MTMR3: variants seen among roughly 807,000 people sequenced by gnomAD.
MTMR3 encodes the protein myotubularin related protein 3.
Under a neutral mutation model 132.4 loss-of-function variants are expected in MTMR3, and 32 were observed. The observed-to-expected ratio is 0.24, with a 90% confidence interval of 0.18 to 0.32. The LOEUF is 0.32. Among genes scored for constraint, MTMR3 ranks in the 10% least tolerant of loss-of-function variants. The pLI, the probability that MTMR3 is intolerant of heterozygous loss-of-function variation, is 1.00. For synonymous variants in MTMR3, 556 were observed against 550.3 expected (o/e 1.01, Z -0.14); for missense variants, 1,216 against 1,489.6 (o/e 0.82, Z 3.02).
rs2067981598 is a variant in MTMR3, at chr22:30,029,955, C to G, written c.*4154C>G. On this transcript the variant is annotated 3_prime_UTR_variant, in exon 20 of 20. Coordinates refer to ENST00000401950, the MANE Select transcript of MTMR3 (RefSeq NM_021090.4). Reference sequence around the variant, plus strand: ...TAGTTCAGAGCTGACCCCTCTAAGCCTCTGACACTTAAACACGAGTCCTGC... The same window carrying G: ...TAGTTCAGAGCTGACCCCTCTAAGCGTCTGACACTTAAACACGAGTCCTGC... 6.6e-6 allele frequency: 1 copy of G among 152,332 alleles called. No individual in the cohort carries two copies. The highest frequency in any genetic ancestry group is 2.1e-4 in the South Asian group (1 of 4,828). The allele number at this position is 152,332 out of a possible 1,614,324, so 9.4% of individuals were successfully genotyped here. A position where few individuals can be genotyped will look rare whatever the true frequency, so the allele number is the denominator to read the frequency against.
chr22:30,023,378 T>C, intron 19 of MTMR3: 3 of 1,428,628 alleles, frequency 2.1e-6, no homozygotes, highest in Non-Finnish European at 2.0e-6. Flanking sequence ...TTCTAGGACA[T>C]GTATCTCCCC....
At chr22:30,013,315 T>C in intron 13 of MTMR3, 41 bp from the exon 14 acceptor site, 1 of 1,600,188 alleles carries the variant, frequency 6.2e-7, no homozygotes, top group Non-Finnish European at 8.6e-7. Context: ...ACAGTCTGGA[T>C]AGTCTAGCAC....
At position 30,020,223 on chromosome 22, in the gene MTMR3, A is replaced by G. The variant is rs377637716; in HGVS notation, c.2564A>G (p.Lys855Arg). 1.2e-6 allele frequency: 2 copies of G among 1,614,206 alleles called. No individual in the cohort carries two copies. The highest frequency in any genetic ancestry group is 4.5e-5 in the East Asian group (2 of 44,876). The change falls in exon 17 of 20, where the codon AAG becomes AGG. Residue 855 changes from lysine (K) to arginine (R), a missense_variant. By Grantham distance (26) the Lys-to-Arg change is conservative. Coordinates refer to ENST00000401950, the MANE Select transcript of MTMR3 (RefSeq NM_021090.4). ...GACATGTTAGTGGAAGATAAGGTGA[A>G]GTCAGTAAGTGGGCCCCAAGGTCAT... is the stretch of plus-strand genomic sequence containing the variant. ...STDMLVEDKV[K>R]SVSGPQGHHR...
chr22:30,005,584 T>G (rs1378621212), intron 9 of MTMR3: 3 of 152,214 alleles, frequency 2.0e-5, no homozygotes, highest in Non-Finnish European at 4.4e-5. Context: ...TATTTCTATT[T>G]TGGCCCCATT....
Position 29,978,442 on chromosome 22 carries a change from G to A in MTMR3, c.4G>A (p.Asp2Asn). The A allele has an allele frequency of 3.1e-6, 5 of 1,610,666 alleles. No homozygotes were observed. The highest frequency in any genetic ancestry group is 3.4e-6 in the Non-Finnish European group (4 of 1,177,726). Residue 2 changes from aspartate to asparagine, a missense_variant and splice_region_variant, in exon 4 of 20, where the codon GAT becomes AAT. Physicochemically the swap from Asp to Asn is conservative, Grantham distance 23. Transcript: ENST00000401950. M[D>N]EETRHSLECI... ...ATTTTAAGGTTTTGGACTTTTCCAGGATGAAGAGACTCGGCACAGCCTTGA... is the reference window on the plus strand; with the variant it reads ...ATTTTAAGGTTTTGGACTTTTCCAGAATGAAGAGACTCGGCACAGCCTTGA...
At chr22:29,895,993 A>G (rs1032501733) in intron 1 of MTMR3, among the ~76,000 whole-genome samples, 1 of 152,198 alleles carries the variant, frequency 6.6e-6, no homozygotes, top group African/African-American at 2.4e-5. Context: ...CGGTCAGCTC[A>G]TGAGGCACCC....
chr22:30,023,186 T>G (rs2067810907), intron 19 of MTMR3: 1 of 505,340 alleles, frequency 2.0e-6, no homozygotes, highest in Non-Finnish European at 3.6e-6. Context: ...GTTCCTGACT[T>G]CTTTTTCCTT....
At chr22:30,015,048 C>T (rs747106184) in intron 14 of MTMR3, 1 of 152,034 alleles carries the variant, frequency 6.6e-6, no homozygotes, top group Non-Finnish European at 1.5e-5. Flanking sequence ...AAATTCAAAA[C>T]TTGATGCTTC....
chr22:29,978,803 T>C, intron 4 of MTMR3, 133 bp from the exon 5 acceptor site: 2 of 720,218 alleles, frequency 2.8e-6, no homozygotes. Context: ...CCTCTTTAGC[T>C]TCCTTATCTA....
chr22:29,970,436 T>A lies in MTMR3; in HGVS notation c.-84-540T>A, dbSNP rs183070385. On this transcript the variant is annotated intron_variant, in intron 2 of 19. Transcript: ENST00000401950. ...ACAGCCCCAACCTTCCAGGCTCAGT[T>A]GATCCTCCCACCTCATCCTCCTGAG... is the stretch of plus-strand genomic sequence containing the variant. 1.2e-3 allele frequency among the ~76,000 whole-genome samples: 182 copies of A among 151,410 alleles called. 1 individual carries two copies. The highest frequency in any genetic ancestry group is 3.5e-3 in the South Asian group (17 of 4,794).
chr22:29,964,848 T>A (rs766954958), intron 2 of MTMR3, among the ~76,000 whole-genome samples: 1 of 152,202 alleles, frequency 6.6e-6, no homozygotes, highest in Non-Finnish European at 1.5e-5. Flanking sequence ...GGACTGTATT[T>A]TAAACTTACT....
chr22:29,885,876 G>A (rs1406888190), intron 1 of MTMR3, among the ~76,000 whole-genome samples: 1 of 152,216 alleles, frequency 6.6e-6, no homozygotes, highest in Admixed American at 6.5e-5. Flanking sequence ...TTAGAGGGGG[G>A]TGTGGTGAAG....
chr22:30,027,068 A>G lies in MTMR3; in HGVS notation c.*1267A>G, dbSNP rs2067924925. 6.5e-6 allele frequency: 1 copy of G among 152,800 alleles called. No individual in the cohort carries two copies. Among genetic ancestry groups the G allele is most frequent in the African/African-American group, 2.4e-5 (1 of 41,458 alleles). 9.5% of individuals were successfully genotyped at this position (152,800 alleles called of 1,614,324 possible). On this transcript the variant is annotated 3_prime_UTR_variant, in exon 20 of 20. Coordinates refer to ENST00000401950, the MANE Select transcript of MTMR3 (RefSeq NM_021090.4). ...TCAGTGAGCTTTGATATGGTCCAAA[A>G]ACAGCCTTAAATCAAGAATATTTGT...
intron 1 of MTMR3, among the ~76,000 whole-genome samples, chr22:29,927,336 G>T (rs996210433): frequency 6.6e-6 from 1 of 152,012 alleles, no homozygotes; most frequent in Non-Finnish European, 1.5e-5. Context: ...GTTATTCTGG[G>T]TCCCTTGTAT....
intron 1 of MTMR3, among the ~76,000 whole-genome samples, chr22:29,944,892 A>G (rs991794899): frequency 2.0e-5 from 3 of 152,366 alleles, no homozygotes; most frequent in African/African-American, 4.8e-5. Flanking sequence ...CATTGATTCA[A>G]TGAATAAACT....
At chr22:29,990,320 A>G (rs2066937244) in intron 6 of MTMR3, 1 of 152,172 alleles carries the variant, frequency 6.6e-6, no homozygotes. Flanking sequence ...TTTTTACTGC[A>G]TTCCTCTGAC....
At chr22:29,923,222 T>A (rs1042892040) in intron 1 of MTMR3, among the ~76,000 whole-genome samples, 5 of 151,422 alleles carry the variant, frequency 3.3e-5, no homozygotes, top group African/African-American at 1.2e-4. Context: ...TTTGTAGTTT[T>A]TTTTTTTATT....
chr22:30,005,260 AT>A, intron 9 of MTMR3: 1 of 152,290 alleles, frequency 6.6e-6, no homozygotes, highest in Non-Finnish European at 1.5e-5. Flanking sequence ...TCCTTTAGTG[AT>A]TTTTAACTGT....
chr22:29,991,571 C>T lies in MTMR3; in HGVS notation c.361C>T (p.Pro121Ser). The T allele has an allele frequency of 6.2e-7, 1 of 1,614,092 alleles. No individual in the cohort carries two copies. Among genetic ancestry groups the T allele is most frequent in the Non-Finnish European group, 8.5e-7 (1 of 1,179,990 alleles). ...GAGACTGAACAACGCAATCCGACCA[C>T]CTGCTAAAATAGAAGATCTCTTCTC... is the stretch of plus-strand genomic sequence containing the variant. ...LKRLNNAIRP[P>S]AKIEDLFSFA... is the part of the protein sequence containing the mutation. Residue 121 changes from proline to serine, a missense_variant, in exon 7 of 20, where the codon CCT becomes TCT. Physicochemically the swap from Pro to Ser is moderately conservative, Grantham distance 74. Coordinates refer to ENST00000401950, the MANE Select transcript of MTMR3 (RefSeq NM_021090.4).
Sources: allele counts gnomAD v4.1 joint callset (sites outside exome capture counted in the v4.1 genomes callset), GRCh38; gene constraint gnomAD v4.1.1; transcripts MANE v1.5; gene names NCBI Gene and HGNC (gene_info 2026-07-23, HGNC 2026-07-21).